DLG2: variants seen among roughly 807,000 people sequenced by gnomAD.
DLG2 encodes discs large MAGUK scaffold protein 2, also known as disks large homolog 2.
DLG2 carries 45 observed loss-of-function variants against 132.5 expected under a neutral mutation model. That is an observed-to-expected ratio of 0.34 (90% confidence interval 0.27 to 0.44). The LOEUF (loss-of-function observed/expected upper bound fraction) is 0.44. Ranked by LOEUF, DLG2 falls within the 20% of genes least tolerant of loss-of-function variation. The pLI is 1.00. For synonymous variants in DLG2, 424 were observed against 419.6 expected (o/e 1.01, Z -0.13); for missense variants, 1,045 against 1,196.9 (o/e 0.87, Z 1.87).
intron 26 of DLG2, among the ~76,000 whole-genome samples, chr11:83,463,227 ACTT>A (rs2090374326): frequency 6.6e-6 from 1 of 151,446 alleles, no homozygotes; most frequent in South Asian, 2.1e-4. Context: ...TTATACCAAG[ACTT>A]GATATCTTTC....
intron 6 of DLG2, among the ~76,000 whole-genome samples, chr11:84,802,552 C>A (rs1447148229): frequency 1.3e-5 from 2 of 151,504 alleles, no homozygotes; most frequent in African/African-American, 4.9e-5. Flanking sequence ...AAAATAAATA[C>A]CCTGGTATTT....
rs117249794 is a variant in DLG2, at chr11:83,550,332, G to A, written c.1941-8474C>T. ...TCTCTTTCTCTCTCTTAAGTCCTCA[G>A]TGCTCCCAATTCACCAAGAGATGTG... On this transcript the variant is annotated intron_variant, in intron 19 of 27. Coordinates refer to ENST00000376104, the MANE Select transcript of DLG2 (RefSeq NM_001142699.3). 7.2e-5 allele frequency among the ~76,000 whole-genome samples: 11 copies of A among 152,256 alleles called. No homozygotes were observed. In the East Asian group the frequency reaches 1.9e-3, roughly 27 times the overall value.
Position 83,994,086 on chromosome 11 carries a change from TG to T in DLG2, c.920-13445del, listed in dbSNP as rs148605771. Among the ~76,000 whole-genome samples, 852 of 152,282 alleles carry T rather than the reference TG, an allele frequency of 5.6e-3. 5 individuals carry two copies. The highest frequency in any genetic ancestry group is 0.02 in the African/African-American group (823 of 41,570). ...ACTTAAAAGTACTCTCTCTCTCCAC[TG>T]ACCACATCTAACGGTTTATCTGTCT... On this transcript the variant is annotated intron_variant, in intron 11 of 27. Transcript: ENST00000376104.
intron 6 of DLG2, among the ~76,000 whole-genome samples, chr11:84,976,532 AT>A (rs1360221185): frequency 6.6e-6 from 1 of 152,070 alleles, no homozygotes; most frequent in Non-Finnish European, 1.5e-5. Flanking sequence ...ATATTTTTAA[AT>A]TTTCTTATCT....
At chr11:83,968,142 A>G (rs2090606004) in intron 12 of DLG2, among the ~76,000 whole-genome samples, 1 of 152,234 alleles carries the variant, frequency 6.6e-6, no homozygotes, top group Non-Finnish European at 1.5e-5. Flanking sequence ...GAATTCCTAT[A>G]GTACACATTA....
chr11:84,783,922 T>C (rs569167450), intron 6 of DLG2, among the ~76,000 whole-genome samples: 1 of 151,208 alleles, frequency 6.6e-6, no homozygotes, highest in African/African-American at 2.4e-5. Flanking sequence ...GCTAAGGGAG[T>C]TGGGAAGCAA....
At chr11:84,330,657 T>G (rs1186694070) in intron 7 of DLG2, among the ~76,000 whole-genome samples, 1 of 152,160 alleles carries the variant, frequency 6.6e-6, no homozygotes, top group African/African-American at 2.4e-5. Context: ...CCCCATATGG[T>G]AGGCAGAGCA....
At chr11:84,702,176 T>A (rs2059293917) in intron 6 of DLG2, among the ~76,000 whole-genome samples, 1 of 151,692 alleles carries the variant, frequency 6.6e-6, no homozygotes, top group South Asian at 2.1e-4. Flanking sequence ...CCTGTGGTAC[T>A]AAACCTCTTG....
At chr11:84,430,407 C>A (rs575655399) in intron 7 of DLG2, among the ~76,000 whole-genome samples, 207 of 149,544 alleles carry the variant, frequency 1.4e-3, no homozygotes, top group African/African-American at 4.9e-3. Context: ...CCACTTCACT[C>A]CAGCCTGGCA....
chr11:85,317,404 T>C (rs746200000), intron 3 of DLG2, among the ~76,000 whole-genome samples: 4 of 151,844 alleles, frequency 2.6e-5, no homozygotes, highest in Non-Finnish European at 4.4e-5. Context: ...TATAATTTTA[T>C]GCTCCAAAAA....
chr11:83,476,723 A>AC (rs2092647802), intron 22 of DLG2, among the ~76,000 whole-genome samples: 1 of 152,090 alleles, frequency 6.6e-6, no homozygotes, highest in Admixed American at 6.6e-5. Context: ...AATGAATGGG[A>AC]TTCAGAATTA....
intron 3 of DLG2, among the ~76,000 whole-genome samples, chr11:85,426,166 C>T (rs1045942276): frequency 6.6e-6 from 1 of 152,190 alleles, no homozygotes; most frequent in Non-Finnish European, 1.5e-5. Context: ...GAGCCCACCG[C>T]AGCTCAAGGA....
chr11:85,001,512 G>T (rs934839735), intron 6 of DLG2, among the ~76,000 whole-genome samples: 1 of 152,136 alleles, frequency 6.6e-6, no homozygotes, highest in Non-Finnish European at 1.5e-5. Flanking sequence ...TCATCAGAGA[G>T]TATGTAAAAA....
intron 3 of DLG2, among the ~76,000 whole-genome samples, chr11:85,498,476 T>A (rs1035129000): frequency 6.6e-6 from 1 of 152,110 alleles, no homozygotes; most frequent in Admixed American, 6.6e-5. Context: ...CACACAATAA[T>A]AATGGGAGAC....
intron 6 of DLG2, among the ~76,000 whole-genome samples, chr11:84,829,756 C>T (rs746896840): frequency 6.6e-6 from 1 of 151,560 alleles, no homozygotes; most frequent in Non-Finnish European, 1.5e-5. Flanking sequence ...TCAATAAGTG[C>T]TAGTTAAATC....
chr11:84,982,720 A>G (rs1187339624), intron 6 of DLG2, among the ~76,000 whole-genome samples: 2 of 152,192 alleles, frequency 1.3e-5, no homozygotes. Flanking sequence ...ATATATAAAA[A>G]TAATTATATA....
intron 6 of DLG2, among the ~76,000 whole-genome samples, chr11:84,841,744 A>T (rs566528181): frequency 2.0e-5 from 3 of 151,948 alleles, no homozygotes; most frequent in African/African-American, 7.2e-5. Context: ...ATCAAAGTGC[A>T]TATATCATTT....
At chr11:84,753,055 A>G (rs2066384572) in intron 6 of DLG2, among the ~76,000 whole-genome samples, 1 of 152,158 alleles carries the variant, frequency 6.6e-6, no homozygotes, top group South Asian at 2.1e-4. Flanking sequence ...CTGGAAAGGA[A>G]GAAGTAAGCA....
intron 11 of DLG2, among the ~76,000 whole-genome samples, chr11:84,057,700 T>C (rs1285907891): frequency 6.6e-6 from 1 of 152,212 alleles, no homozygotes; most frequent in Non-Finnish European, 1.5e-5. Flanking sequence ...TAGCTAATTT[T>C]GTTGGTCGGT....
Sources: allele counts gnomAD v4.1 joint callset (sites outside exome capture counted in the v4.1 genomes callset), GRCh38; gene constraint gnomAD v4.1.1; transcripts MANE v1.5; gene names NCBI Gene and HGNC (gene_info 2026-07-23, HGNC 2026-07-21).